Variants in COL4A2 observed in about 807,000 individuals in gnomAD.
COL4A2 encodes collagen type IV alpha 2 chain.
A neutral mutation model predicts 200.2 loss-of-function variants in COL4A2; 99 were observed. The ratio of observed to expected loss-of-function variants is 0.49; its 90% CI spans 0.42 to 0.58. COL4A2 has a LOEUF of 0.58. COL4A2 is among the 20% of genes least tolerant of loss of function. The probability of loss-of-function intolerance (pLI) is 0.00; values close to 1 mark genes in which losing one functional copy is unlikely to be tolerated. For missense variants in COL4A2, 1,950 were observed against 2,314.1 expected (o/e 0.84, Z 3.23); for synonymous variants, 897 against 900.6 (o/e 1.00, Z 0.07).
In COL4A2 at chr13:110,491,227, T is replaced by A. The variant is rs1449990233; in HGVS notation, c.3347-6T>A. 3 of 1,584,146 alleles carry A rather than the reference T, an allele frequency of 1.9e-6. No individual in the cohort carries two copies. The highest frequency in any genetic ancestry group is 1.7e-4 in the Middle Eastern group (1 of 5,980). On this transcript the variant is annotated splice_region_variant and splice_polypyrimidine_tract_variant and intron_variant, in intron 36 of 47. Coordinates refer to ENST00000360467, the MANE Select transcript of COL4A2 (RefSeq NM_001846.4). Reference sequence around the variant, plus strand: ...TTTGTTCCAAGCAGCATGTCTGTGGTTGCAGGTCTGAAGGGATTCTTTGGA... The same window carrying A: ...TTTGTTCCAAGCAGCATGTCTGTGGATGCAGGTCTGAAGGGATTCTTTGGA...
chr13:110,311,129 C>T (rs573764794), intron 3 of COL4A2, among the ~76,000 whole-genome samples: 2 of 152,088 alleles, frequency 1.3e-5, no homozygotes, highest in Non-Finnish European at 2.9e-5. Context: ...GAGGCTCTCC[C>T]CCTCCTTCCT....
chr13:110,455,575 C>A (rs142344359), intron 20 of COL4A2, among the ~76,000 whole-genome samples: 3 of 152,284 alleles, frequency 2.0e-5, no homozygotes, highest in Non-Finnish European at 4.4e-5. Context: ...GCTGTAAGCT[C>A]CATGAGAGTC....
rs1313186300 is a variant in COL4A2, at chr13:110,449,542, AATC to A, written c.1079-133_1079-131del. 2.6e-5 allele frequency: 19 copies of A among 745,002 alleles called. No individual in the cohort carries two copies. The Admixed American group carries it at 3.6e-4, about 14-fold the overall frequency. 46.1% of individuals were successfully genotyped at this position (745,002 alleles called of 1,614,324 possible). A position where few individuals can be genotyped will look rare whatever the true frequency, so the allele number is the denominator to read the frequency against. On this transcript the variant is annotated intron_variant, in intron 18 of 47. Coordinates refer to ENST00000360467, the MANE Select transcript of COL4A2 (RefSeq NM_001846.4). ...AAAAAGAGAGACCACCCCATGTATT[AATC>A]ATCTTAACTCCTCATCAGGCCGCAT...
At chr13:110,333,226 C>G (rs1265489376) in intron 3 of COL4A2, among the ~76,000 whole-genome samples, 1 of 152,224 alleles carries the variant, frequency 6.6e-6, no homozygotes, top group Admixed American at 6.5e-5. Flanking sequence ...CTGCCTGCCT[C>G]GAGGTGTACC....
chr13:110,411,230 C>G (rs1297717039), intron 4 of COL4A2, among the ~76,000 whole-genome samples: 2 of 152,232 alleles, frequency 1.3e-5, no homozygotes, highest in Non-Finnish European at 2.9e-5. Flanking sequence ...CTCGTCTTCT[C>G]CAAGGTCCAG....
In COL4A2 at chr13:110,432,843, G is replaced by C. The variant is rs114629974; in HGVS notation, c.684+483G>C. 1.9e-3 allele frequency among the ~76,000 whole-genome samples: 289 copies of C among 152,306 alleles called. 2 individuals are homozygous for C. The highest frequency in any genetic ancestry group is 6.7e-3 in the African/African-American group (277 of 41,572). ...TAATCAAGTTAGGCTAGAGCCCAAAGCTGTATACTGTTTTCATCCCAGAAA... is the reference window on the plus strand; with the variant it reads ...TAATCAAGTTAGGCTAGAGCCCAAACCTGTATACTGTTTTCATCCCAGAAA... On this transcript the variant is annotated intron_variant, in intron 11 of 47. Coordinates refer to ENST00000360467, the MANE Select transcript of COL4A2 (RefSeq NM_001846.4).
At chr13:110,427,649 G>A (rs767792844) in intron 6 of COL4A2, among the ~76,000 whole-genome samples, 1 of 152,186 alleles carries the variant, frequency 6.6e-6, no homozygotes, top group African/African-American at 2.4e-5. Flanking sequence ...CTGTGGCCAG[G>A]TACTGCATAA....
intron 3 of COL4A2, among the ~76,000 whole-genome samples, chr13:110,349,766 CT>C (rs200067934): frequency 1.3e-3 from 195 of 145,470 alleles, no homozygotes; most frequent in African/African-American, 1.4e-3. Context: ...TTCATATCTT[CT>C]TTTTTTTTTT....
intron 4 of COL4A2, among the ~76,000 whole-genome samples, chr13:110,395,423 G>C (rs1242010610): frequency 6.6e-6 from 1 of 152,194 alleles, no homozygotes; most frequent in Non-Finnish European, 1.5e-5. Flanking sequence ...GAGGATGGCA[G>C]GGGAGGTGTC....
intron 3 of COL4A2, chr13:110,340,956 A>T (rs970299062): frequency 2.0e-5 from 3 of 152,236 alleles, no homozygotes; most frequent in African/African-American, 4.8e-5. Flanking sequence ...ATTAAGGGAA[A>T]AGATTTCAGT....
At chr13:110,397,956 T>C (rs1451769040) in intron 4 of COL4A2, among the ~76,000 whole-genome samples, 1 of 152,216 alleles carries the variant, frequency 6.6e-6, no homozygotes, top group Non-Finnish European at 1.5e-5. Flanking sequence ...CTGTATCGTA[T>C]GGAGAAGAAG....
At chr13:110,346,743 G>A (rs1876720111) in intron 3 of COL4A2, among the ~76,000 whole-genome samples, 1 of 152,208 alleles carries the variant, frequency 6.6e-6, no homozygotes, top group Non-Finnish European at 1.5e-5. Context: ...CACCCTGGGT[G>A]TTTGCTGTGT....
At chr13:110,326,226 T>C (rs978088134) in intron 3 of COL4A2, among the ~76,000 whole-genome samples, 2 of 152,296 alleles carry the variant, frequency 1.3e-5, no homozygotes, top group African/African-American at 4.8e-5. Context: ...ATTTTTTTAT[T>C]GGAAAATGCA....
chr13:110,443,166 A>G (rs1326875650), intron 16 of COL4A2, among the ~76,000 whole-genome samples: 1 of 152,166 alleles, frequency 6.6e-6, no homozygotes, highest in Non-Finnish European at 1.5e-5. Context: ...AGTCTTTTAT[A>G]CTAAATCGCA....
At chr13:110,430,808 A>G in intron 10 of COL4A2, 1 of 846,068 alleles carries the variant, frequency 1.2e-6, no homozygotes, top group East Asian at 2.5e-5. Context: ...AGGGCTTAAA[A>G]TTATGGTCAC....
intron 4 of COL4A2, among the ~76,000 whole-genome samples, chr13:110,396,860 CTGTTG>C (rs1879199038): frequency 6.6e-6 from 1 of 152,154 alleles, no homozygotes; most frequent in Admixed American, 6.5e-5. Flanking sequence ...ATTTTTTAAA[CTGTTG>C]AACGTGTCAG....
At chr13:110,415,441 A>C (rs886485513) in intron 4 of COL4A2, among the ~76,000 whole-genome samples, 1 of 152,222 alleles carries the variant, frequency 6.6e-6, no homozygotes. Context: ...TGTCCTATTC[A>C]GGAACATTTC....
chr13:110,506,650 C>A, intron 46 of COL4A2, 44 bp downstream of exon 46: 1 of 1,529,892 alleles, frequency 6.5e-7, no homozygotes, highest in East Asian at 2.3e-5. Flanking sequence ...TCAGGGCTGG[C>A]CCGGAAGTGG....
intron 4 of COL4A2, among the ~76,000 whole-genome samples, chr13:110,405,308 G>A (rs140036004): frequency 1.0e-3 from 159 of 152,256 alleles, no homozygotes; most frequent in Non-Finnish European, 1.6e-4. Flanking sequence ...AAAAGATGCT[G>A]GTGTATATTG....
Sources: gnomAD v4.1 joint callset for allele counts (sites outside exome capture counted in the v4.1 genomes callset) on GRCh38, gnomAD v4.1.1 for gene constraint, MANE v1.5 for transcripts, NCBI Gene and HGNC (gene_info 2026-07-23, HGNC 2026-07-21) for gene names.